FAM178B: variants seen among roughly 807,000 people sequenced by gnomAD.
FAM178B encodes family with sequence similarity 178 member B, also known as protein FAM178B.
In FAM178B, 82 loss-of-function variants were observed where a neutral mutation model predicts 91.7. That is an observed-to-expected ratio of 0.89 (90% CI 0.75 to 1.07). The LOEUF (loss-of-function observed/expected upper bound fraction) is 1.07. FAM178B is among the 50% of genes least tolerant of loss of function. FAM178B has a pLI of 0.00. For synonymous variants in FAM178B, 368 were observed against 359.4 expected (o/e 1.02, Z -0.27); for missense variants, 769 against 846.7 (o/e 0.91, Z 1.14).
intron 8 of FAM178B, among the ~76,000 whole-genome samples, chr2:96,930,654 C>T (rs1250579220): frequency 6.6e-6 from 1 of 152,150 alleles, no homozygotes; most frequent in African/African-American, 2.4e-5. Flanking sequence ...TGGAGAGAAT[C>T]CAAAACAAAT....
At chr2:96,905,108 C>A (rs1400339926) in intron 12 of FAM178B, among the ~76,000 whole-genome samples, 1 of 147,074 alleles carries the variant, frequency 6.8e-6, no homozygotes, top group Non-Finnish European at 1.5e-5. Flanking sequence ...ATACTCATGA[C>A]CCTGGGGTGG....
chr2:96,970,286 C>T (rs2082199658), intron 4 of FAM178B, among the ~76,000 whole-genome samples: 3 of 152,182 alleles, frequency 2.0e-5, no homozygotes, highest in African/African-American at 4.8e-5. Context: ...ATGGGCAACG[C>T]GTGCCTGCAC....
At chr2:96,911,329 A>C (rs2081153333) in intron 12 of FAM178B, among the ~76,000 whole-genome samples, 1 of 152,206 alleles carries the variant, frequency 6.6e-6, no homozygotes, top group African/African-American at 2.4e-5. Context: ...AGAGATGTGA[A>C]CCAGGCAGAG....
At chr2:96,962,763 G>C (rs558474950) in intron 5 of FAM178B, among the ~76,000 whole-genome samples, 1 of 152,222 alleles carries the variant, frequency 6.6e-6, no homozygotes. Context: ...CCGATTGTTA[G>C]AGCATGCACA....
At chr2:96,930,058 T>C (rs865923421) in intron 8 of FAM178B, among the ~76,000 whole-genome samples, 4 of 151,498 alleles carry the variant, frequency 2.6e-5, no homozygotes, top group African/African-American at 4.9e-5. Flanking sequence ...TCTACTAAAA[T>C]ACAAAAGAAA....
chr2:96,905,838 ATATATATATATATATATATATATTTTT>A (rs1157917840), intron 12 of FAM178B, among the ~76,000 whole-genome samples: 4 of 29,248 alleles, frequency 1.4e-4, no homozygotes, highest in South Asian at 8.6e-4. Context: ...ATATATATAT[ATATATATATATATATATATATATTTTT>A]TTTTTTTTTT....
chr2:96,959,633 G>A (rs1372498529), intron 6 of FAM178B, among the ~76,000 whole-genome samples: 4 of 152,292 alleles, frequency 2.6e-5, no homozygotes, highest in Admixed American at 2.6e-4. Context: ...GCCTGTGTGA[G>A]CACCCAGCAG....
intron 12 of FAM178B, among the ~76,000 whole-genome samples, chr2:96,915,132 C>T (rs1319280228): frequency 2.7e-5 from 4 of 148,446 alleles, no homozygotes; most frequent in South Asian, 2.1e-4. Flanking sequence ...TTTTTTGAGA[C>T]GAAGTCTCAC....
chr2:96,980,055 T>C (rs1025267079), intron 1 of FAM178B, among the ~76,000 whole-genome samples: 1 of 152,042 alleles, frequency 6.6e-6, no homozygotes, highest in Non-Finnish European at 1.5e-5. Flanking sequence ...CAGCGTGTAA[T>C]GGTGTTTCTT....
At chr2:96,966,510 G>A (rs2082145711) in intron 5 of FAM178B, among the ~76,000 whole-genome samples, 1 of 49,518 alleles carries the variant, frequency 2.0e-5, no homozygotes, top group African/African-American at 7.4e-5. Flanking sequence ...CAGTGGGAAG[G>A]CAGAGATTGT....
intron 8 of FAM178B, among the ~76,000 whole-genome samples, chr2:96,934,703 G>A (rs1458039532): frequency 1.3e-5 from 2 of 152,180 alleles, no homozygotes; most frequent in African/African-American, 4.8e-5. Flanking sequence ...AATGCTGACC[G>A]CTTGCTGTTC....
intron 12 of FAM178B, among the ~76,000 whole-genome samples, chr2:96,920,492 C>T (rs183120455): frequency 6.6e-6 from 1 of 151,816 alleles, no homozygotes; most frequent in African/African-American, 2.4e-5. Context: ...CCCAGCTACT[C>T]GGGAGGCTGA....
intron 14 of FAM178B, among the ~76,000 whole-genome samples, chr2:96,885,115 C>T (rs1467324089): frequency 6.6e-6 from 1 of 152,224 alleles, no homozygotes; most frequent in Non-Finnish European, 1.5e-5. Context: ...GACCCAAACA[C>T]GGTCCCTAAA....
chr2:96,974,381 CAAAAAAA>C (rs1171601429), intron 1 of FAM178B, among the ~76,000 whole-genome samples: 24 of 16,254 alleles, frequency 1.5e-3, no homozygotes, highest in East Asian at 5.0e-3. Context: ...GACTCCATCT[CAAAAAAA>C]AAAAAAAAAA....
At chr2:96,880,913 A>G (rs1327935761) in intron 14 of FAM178B, among the ~76,000 whole-genome samples, 1 of 152,104 alleles carries the variant, frequency 6.6e-6, no homozygotes, top group Non-Finnish European at 1.5e-5. Context: ...TTTTAACAAG[A>G]TACTGCCAAC....
At chr2:96,876,897 C>G (rs1489981096) in intron 16 of FAM178B, among the ~76,000 whole-genome samples, 1 of 152,090 alleles carries the variant, frequency 6.6e-6, no homozygotes, top group Non-Finnish European at 1.5e-5. Flanking sequence ...GGGAGGGCAC[C>G]AGCACAGGGG....
chr2:96,900,722 C>G (rs567548465), intron 13 of FAM178B, among the ~76,000 whole-genome samples: 1 of 152,160 alleles, frequency 6.6e-6, no homozygotes, highest in East Asian at 1.9e-4. Context: ...GGGAAGCATT[C>G]AAGGCAAAGG....
chr2:96,977,286 G>A (rs566466411), intron 1 of FAM178B, among the ~76,000 whole-genome samples: 4 of 148,140 alleles, frequency 2.7e-5, no homozygotes, highest in South Asian at 2.1e-4. Context: ...TCAGCAGGCC[G>A]AGGTAGGATA....
intron 1 of FAM178B, among the ~76,000 whole-genome samples, chr2:96,976,539 A>G (rs990020527): frequency 2.0e-5 from 3 of 152,076 alleles, no homozygotes; most frequent in Non-Finnish European, 2.9e-5. Context: ...AGCATTATTC[A>G]TAATAGTCAA....
Sources: allele counts gnomAD v4.1 joint callset (sites outside exome capture counted in the v4.1 genomes callset), GRCh38; gene constraint gnomAD v4.1.1; transcripts MANE v1.5; gene names NCBI Gene and HGNC (gene_info 2026-07-23, HGNC 2026-07-21).